Variants in CSRNP3 observed in about 807,000 individuals in gnomAD.
CSRNP3 encodes cysteine/serine-rich nuclear protein 3.
A neutral mutation model predicts 48.0 loss-of-function variants in CSRNP3; 12 were observed. The observed-to-expected ratio is 0.25, with a 90% CI of 0.16 to 0.41. The LOEUF is 0.41. CSRNP3 is among the 10% of genes least tolerant of loss of function. The pLI is 1.00. For missense variants in CSRNP3, 580 were observed against 724.4 expected (o/e 0.80, Z 2.29); for synonymous variants, 263 against 269.7 (o/e 0.98, Z 0.24).
chr2:165,645,106 G>A (rs973518612), intron 4 of CSRNP3, among the ~76,000 whole-genome samples: 4 of 152,084 alleles, frequency 2.6e-5, no homozygotes, highest in African/African-American at 9.7e-5. Context: ...GGCCCAGGCA[G>A]GTGGATCACT....
intron 3 of CSRNP3, among the ~76,000 whole-genome samples, chr2:165,526,772 T>C (rs1284398037): frequency 6.6e-6 from 1 of 152,128 alleles, no homozygotes; most frequent in African/African-American, 2.4e-5. Flanking sequence ...ATAAATACAT[T>C]CAACACTGAT....
rs113253625 is a variant in CSRNP3 at position 165,506,379 on chromosome 2, C to T, written c.-113+11451C>T. 6.5e-3 allele frequency among the ~76,000 whole-genome samples: 996 copies of T among 152,168 alleles called. 9 individuals are homozygous for T. Among genetic ancestry groups the T allele is most frequent in the South Asian group, 0.028 (135 of 4,812 alleles). On this transcript the variant is annotated intron_variant, in intron 2 of 6. Transcript: ENST00000651982. ...CAAATAAGATGCCTTGGTGGGAAAA[C>T]GGAGGGCAGGGGTAAGGGATACACA...
At chr2:165,504,098 A>G (rs1301881344) in intron 2 of CSRNP3, among the ~76,000 whole-genome samples, 2 of 152,064 alleles carry the variant, frequency 1.3e-5, no homozygotes, top group African/African-American at 4.8e-5. Flanking sequence ...TTAATTTCAC[A>G]TGAGTATCTA....
chr2:165,613,513 A>G (rs761836992), intron 4 of CSRNP3, among the ~76,000 whole-genome samples: 1 of 151,936 alleles, frequency 6.6e-6, no homozygotes, highest in African/African-American at 2.4e-5. Context: ...TTTTCTTCTG[A>G]GAGTTTTATG....
intron 5 of CSRNP3, among the ~76,000 whole-genome samples, chr2:165,658,812 A>T (rs1433509775): frequency 1.3e-5 from 2 of 152,130 alleles, no homozygotes; most frequent in Non-Finnish European, 2.9e-5. Flanking sequence ...CTATGGGGGA[A>T]CTGCACCCAT....
chr2:165,658,893 A>C (rs1328537541), intron 5 of CSRNP3, among the ~76,000 whole-genome samples: 1 of 152,144 alleles, frequency 6.6e-6, no homozygotes, highest in African/African-American at 2.4e-5. Flanking sequence ...TCAAGATGAG[A>C]TTTGGGTGAG....
intron 5 of CSRNP3, among the ~76,000 whole-genome samples, chr2:165,665,436 CA>C (rs2105351983): frequency 6.6e-6 from 1 of 152,252 alleles, no homozygotes; most frequent in African/African-American, 2.4e-5. Context: ...GGGAAATTCT[CA>C]GAACTATATT....
intron 4 of CSRNP3, among the ~76,000 whole-genome samples, chr2:165,614,261 G>C (rs1686192120): frequency 1.3e-5 from 2 of 152,004 alleles, no homozygotes; most frequent in Non-Finnish European, 2.9e-5. Flanking sequence ...AAACACTACT[G>C]ATATTTGTAT....
At chr2:165,599,416 G>A (rs953457068) in intron 4 of CSRNP3, among the ~76,000 whole-genome samples, 2 of 152,008 alleles carry the variant, frequency 1.3e-5, no homozygotes, top group African/African-American at 4.8e-5. Context: ...CTGTCATGCA[G>A]GTAGCTGGGA....
intron 4 of CSRNP3, 50 bp downstream of exon 4, chr2:165,595,263 A>G: frequency 1.3e-6 from 2 of 1,484,406 alleles, no homozygotes; most frequent in Non-Finnish European, 1.9e-6. Flanking sequence ...CTACAGCAAA[A>G]CTAATTGTGT....
chr2:165,558,966 G>A (rs2105265595), intron 3 of CSRNP3, among the ~76,000 whole-genome samples: 1 of 152,210 alleles, frequency 6.6e-6, no homozygotes, highest in South Asian at 2.1e-4. Flanking sequence ...GATGACAGTG[G>A]TATAGTTCCC....
chr2:165,599,478 A>G (rs1166729295), intron 4 of CSRNP3, among the ~76,000 whole-genome samples: 1 of 152,000 alleles, frequency 6.6e-6, no homozygotes, highest in Non-Finnish European at 1.5e-5. Flanking sequence ...TTTTGTAGAG[A>G]TGGGGTTTCA....
At position 165,686,761 on chromosome 2, in the gene CSRNP3, C is replaced by A. The variant is rs1412964152; in HGVS notation, c.*7008C>A. Reference sequence around the variant, plus strand: ...CCACTGCCATGGGTTACCATCTGAACCCTGATTCATTAGGCACTAGTCATG... The same window carrying A: ...CCACTGCCATGGGTTACCATCTGAAACCTGATTCATTAGGCACTAGTCATG... On this transcript the variant is annotated 3_prime_UTR_variant, in exon 7 of 7. Coordinates refer to ENST00000651982, the MANE Select transcript of CSRNP3 (RefSeq NM_001172173.2). 3 of 152,080 alleles carry A rather than the reference C, an allele frequency of 2.0e-5. No homozygotes were observed. The highest frequency in any genetic ancestry group is 4.4e-5 in the Non-Finnish European group (3 of 67,996). The allele number at this position is 152,080 out of a possible 1,614,324, so 9.4% of individuals were successfully genotyped here.
At chr2:165,492,506 A>C (rs1466598910) in intron 1 of CSRNP3, among the ~76,000 whole-genome samples, 1 of 151,660 alleles carries the variant, frequency 6.6e-6, no homozygotes, top group Non-Finnish European at 1.5e-5. Flanking sequence ...CACCTCCTCC[A>C]TGTTATTACC....
chr2:165,615,887 G>GT (rs1558951399), intron 4 of CSRNP3, among the ~76,000 whole-genome samples: 12,576 of 125,266 alleles, frequency 0.1, 831 homozygotes, highest in East Asian at 0.22. Flanking sequence ...ATGTTTGTGG[G>GT]GTTTTTTTTT....
chr2:165,621,712 A>C (rs1266841711), intron 4 of CSRNP3, among the ~76,000 whole-genome samples: 1 of 152,192 alleles, frequency 6.6e-6, no homozygotes, highest in African/African-American at 2.4e-5. Context: ...GTACCACTGG[A>C]GGAAAAAAAT....
chr2:165,658,008 C>G lies in CSRNP3; in HGVS notation c.396C>G (p.Ser132=). ...REHLREEKLN[S]LKLKMTKNGT... ...ACCTTAGGGAGGAAAAGCTGAACTC[C>G]TTAAAACTAAAGGTAAAAAACAAAC... The change falls in exon 5 of 7, where the codon TCC becomes TCG. Residue 132 remains serine, a synonymous_variant. Coordinates refer to ENST00000651982, the MANE Select transcript of CSRNP3 (RefSeq NM_001172173.2). 6.2e-7 allele frequency: 1 copy of G among 1,610,938 alleles called. No homozygotes were observed. Among genetic ancestry groups the G allele is most frequent in the Middle Eastern group, 1.8e-4 (1 of 5,682 alleles).
chr2:165,539,214 A>G (rs535316720), intron 3 of CSRNP3, among the ~76,000 whole-genome samples: 1 of 152,138 alleles, frequency 6.6e-6, no homozygotes, highest in South Asian at 2.1e-4. Context: ...AAACTGACAG[A>G]TCAATATGCA....
At chr2:165,580,044 T>C (rs1685517008) in intron 3 of CSRNP3, among the ~76,000 whole-genome samples, 1 of 149,810 alleles carries the variant, frequency 6.7e-6, no homozygotes, top group Admixed American at 6.7e-5. Flanking sequence ...TTCTCCTGCC[T>C]CAGCCTCCTG....
Sources: allele counts gnomAD v4.1 joint callset (sites outside exome capture counted in the v4.1 genomes callset), GRCh38; gene constraint gnomAD v4.1.1; transcripts MANE v1.5; gene names NCBI Gene and HGNC (gene_info 2026-07-23, HGNC 2026-07-21).